ZBED3: variants seen among roughly 807,000 people sequenced by gnomAD.
The protein encoded by ZBED3 is zinc finger BED-type containing 3.
For missense variants in ZBED3, 388 were observed against 362.9 expected, an observed-to-expected ratio of 1.07 and a Z score of -0.56; for synonymous variants, 175 against 180.0, an observed-to-expected ratio of 0.97 and a Z score of 0.22.
intron 1 of ZBED3, among the ~76,000 whole-genome samples, chr5:77,081,017 C>T (rs1405813621): frequency 1.3e-5 from 2 of 152,050 alleles, no homozygotes; most frequent in East Asian, 1.9e-4. Context: ...CAGCCACAAC[C>T]GTAACACACA....
At chr5:77,082,884 C>T (rs1443324445) in intron 1 of ZBED3, among the ~76,000 whole-genome samples, 1 of 152,042 alleles carries the variant, frequency 6.6e-6, no homozygotes, top group Non-Finnish European at 1.5e-5. Flanking sequence ...ACCTGTAATC[C>T]CAGCCCTTTG....
Position 77,075,983 on chromosome 5 carries a change from A to ATATG in ZBED3, c.*1190_*1191insCATA, listed in dbSNP as rs1247645001. 1.0e-4 allele frequency: 4 copies of ATATG among 39,256 alleles called. 2 individuals are homozygous for ATATG. Among genetic ancestry groups the ATATG allele is most frequent in the Non-Finnish European group, 2.0e-4 (4 of 19,564 alleles). The allele number at this position is 39,256 out of a possible 1,614,324, so 2.4% of individuals were successfully genotyped here. A position where few individuals can be genotyped will look rare whatever the true frequency, so the allele number is the denominator to read the frequency against. Reference sequence around the variant, plus strand: ...TATATATATGTATATGTATATATGTATATATATATGTATATATGTATATAT... The same window carrying ATATG: ...TATATATATGTATATGTATATATGTATATGTATATATATGTATATATGTATATAT... On this transcript the variant is annotated 3_prime_UTR_variant, in exon 3 of 3. Coordinates refer to ENST00000255198, the MANE Select transcript of ZBED3 (RefSeq NM_032367.4).
rs1743023307 is a variant in ZBED3, at chr5:77,077,145, T to C, written c.*29A>G. 4.4e-6 allele frequency: 6 copies of C among 1,374,858 alleles called. No homozygotes were observed. Among genetic ancestry groups the C allele is most frequent in the Non-Finnish European group, 4.7e-6 (5 of 1,064,232 alleles). 85.2% of individuals were successfully genotyped at this position (1,374,858 alleles called of 1,614,324 possible). ...GCATTGGCATTGGACGGAGAAGCGC[T>C]GTCCTGGGGTGGGGAAGTGGCCACA... On this transcript the variant is annotated 3_prime_UTR_variant, in exon 3 of 3. Coordinates refer to ENST00000255198, the MANE Select transcript of ZBED3 (RefSeq NM_032367.4).
At chr5:77,086,797 A>C (rs1743251089) in intron 1 of ZBED3, 1 of 152,318 alleles carries the variant, frequency 6.6e-6, no homozygotes. Flanking sequence ...GTAATCAGAC[A>C]ACTTTAATAA....
chr5:77,086,249 GA>G (rs1743236310), intron 1 of ZBED3, among the ~76,000 whole-genome samples: 1 of 152,060 alleles, frequency 6.6e-6, no homozygotes, highest in African/African-American at 2.4e-5. Context: ...GTGACTCAAA[GA>G]TTTTTTTAAT....
Position 77,075,970 on chromosome 5 carries a change from T to TACAC in ZBED3, c.*1203_*1204insGTGT, listed in dbSNP as rs1742977517. On this transcript the variant is annotated 3_prime_UTR_variant, in exon 3 of 3. Transcript: ENST00000255198. ...ATATATATATATATATATATATGTA[T>TACAC]ATGTATATATGTATATATATATGTA... The TACAC allele has an allele frequency of 5.0e-5, 1 of 20,118 alleles. No homozygotes were observed. The highest frequency in any genetic ancestry group is 9.4e-5 in the Non-Finnish European group (1 of 10,654). 1.2% of individuals were successfully genotyped at this position (20,118 alleles called of 1,614,324 possible). A position where few individuals can be genotyped will look rare whatever the true frequency, so the allele number is the denominator to read the frequency against.
chr5:77,080,539 G>A (rs373323604), intron 1 of ZBED3: 8 of 519,002 alleles, frequency 1.5e-5, no homozygotes, highest in Non-Finnish European at 2.7e-5. Flanking sequence ...AAGGCAGCAC[G>A]GGGCAAAACT....
chr5:77,077,275 G>C lies in ZBED3; in HGVS notation c.604C>G (p.Arg202Gly). Residue 202 changes from arginine to glycine, a missense_variant, in exon 3 of 3, where the codon CGT (arginine) becomes GGT (glycine). By Grantham distance (125) the Arg-to-Gly change is moderately radical. Coordinates refer to ENST00000255198, the MANE Select transcript of ZBED3 (RefSeq NM_032367.4). ...GGGGCCCAGCCCAGGGCGCCCTCAC[G>C]GCGGCTCACATCCCGCAGCCGCGCC... The part of the protein sequence containing the change: ...LQARLRDVSR[R>G]EGALGWAPAA... The C allele has an allele frequency of 6.4e-6, 9 of 1,417,094 alleles. No homozygotes were observed. Among genetic ancestry groups the C allele is most frequent in the Non-Finnish European group, 8.3e-6 (9 of 1,087,012 alleles). The allele number at this position is 1,417,094 out of a possible 1,614,324, so 87.8% of individuals were successfully genotyped here. A position where few individuals can be genotyped will look rare whatever the true frequency, so the allele number is the denominator to read the frequency against.
intron 1 of ZBED3, among the ~76,000 whole-genome samples, chr5:77,083,943 T>C (rs1452621827): frequency 6.6e-6 from 1 of 152,202 alleles, no homozygotes; most frequent in Non-Finnish European, 1.5e-5. Context: ...TGAGAATGCA[T>C]ATCATTAATT....
rs1742937546 is a variant in ZBED3 at position 77,074,494 on chromosome 5, T to G, written c.*2680A>C. ...TCTTAGCCACTGTATGACTTGAAGG[T>G]GATACTAACTCCCCTGAACCTGTCT... is the stretch of plus-strand genomic sequence containing the variant. On this transcript the variant is annotated 3_prime_UTR_variant, in exon 3 of 3. Transcript: ENST00000255198. 1 of 152,144 alleles carries G rather than the reference T, an allele frequency of 6.6e-6. No homozygotes were observed. Among genetic ancestry groups the G allele is most frequent in the Admixed American group, 6.5e-5 (1 of 15,276 alleles). 9.4% of individuals were successfully genotyped at this position (152,144 alleles called of 1,614,324 possible).
chr5:77,076,033 G>A lies in ZBED3; in HGVS notation c.*1141C>T, dbSNP rs11744589. 44 of 61,476 alleles carry A rather than the reference G, an allele frequency of 7.2e-4. 9 individuals carry two copies. The East Asian group carries it at 0.011, about 15-fold the overall frequency. 3.8% of individuals were successfully genotyped at this position (61,476 alleles called of 1,614,324 possible). A position where few individuals can be genotyped will look rare whatever the true frequency, so the allele number is the denominator to read the frequency against. ...TATATGTATATATGTATATATATAT[G>A]TATATATGTATATATATATATAATA... On this transcript the variant is annotated 3_prime_UTR_variant, in exon 3 of 3. Transcript: ENST00000255198.
At chr5:77,085,621 A>G (rs984410016) in intron 1 of ZBED3, among the ~76,000 whole-genome samples, 1 of 152,258 alleles carries the variant, frequency 6.6e-6, no homozygotes, top group South Asian at 2.1e-4. Context: ...TTCATCCACC[A>G]GTGACTTTAA....
chr5:77,077,550 G>T lies in ZBED3; in HGVS notation c.329C>A (p.Pro110Gln). Residue 110 changes from proline to glutamine, a missense_variant, in exon 3 of 3, where the codon CCA becomes CAA. Transcript: ENST00000255198. ...CGGCGGCGGGCAGGGCGCGGCAGGT[G>T]GGGAGCTCCCGGCGCCGCTGCTCTC... ...ELESSGAGSS[P>Q]PAAPCPPPPG... The T allele has an allele frequency of 8.0e-7, 1 of 1,246,898 alleles. No individual in the cohort carries two copies. The highest frequency in any genetic ancestry group is 1.0e-6 in the Non-Finnish European group (1 of 998,226). The allele number at this position is 1,246,898 out of a possible 1,614,324, so 77.2% of individuals were successfully genotyped here. A position where few individuals can be genotyped will look rare whatever the true frequency, so the allele number is the denominator to read the frequency against.
intron 1 of ZBED3, among the ~76,000 whole-genome samples, chr5:77,084,849 C>T (rs746138062): frequency 1.3e-5 from 2 of 152,176 alleles, no homozygotes; most frequent in Non-Finnish European, 2.9e-5. Flanking sequence ...AGTTGTATAA[C>T]GAGGCTTCCA....
At chr5:77,080,508 T>C (rs751181751) in intron 1 of ZBED3, 1 of 518,942 alleles carries the variant, frequency 1.9e-6, no homozygotes, top group Non-Finnish European at 3.8e-6. Context: ...GCCCTTCGAT[T>C]TTGGAGGTCT....
chr5:77,079,921 T>C (rs965702321), intron 1 of ZBED3, among the ~76,000 whole-genome samples: 2 of 152,254 alleles, frequency 1.3e-5, no homozygotes, highest in African/African-American at 4.8e-5. Context: ...TATCTAACTT[T>C]ACCTAAAATT....
intron 1 of ZBED3, chr5:77,079,343 AAG>A (rs1743084492): frequency 6.6e-6 from 1 of 152,248 alleles, no homozygotes; most frequent in African/African-American, 2.4e-5. Flanking sequence ...GGAGATGACA[AAG>A]TTCCAGAATC....
In ZBED3 at chr5:77,075,944, CATATATATAT is replaced by C. The variant is rs1159328230; in HGVS notation, c.*1220_*1229del. Reference sequence around the variant, plus strand: ...CCTAGAACTTAAAGTATTATATATACATATATATATATATATATATATGTATATGTATATA... The same window carrying C: ...CCTAGAACTTAAAGTATTATATATACATATATATATATGTATATGTATATA... On this transcript the variant is annotated 3_prime_UTR_variant, in exon 3 of 3. Coordinates refer to ENST00000255198, the MANE Select transcript of ZBED3 (RefSeq NM_032367.4). 1 of 23,442 alleles carries C rather than the reference CATATATATAT, an allele frequency of 4.3e-5. No individual in the cohort carries two copies. The highest frequency in any genetic ancestry group is 8.2e-5 in the Non-Finnish European group (1 of 12,250). 1.5% of individuals were successfully genotyped at this position (23,442 alleles called of 1,614,324 possible). A position where few individuals can be genotyped will look rare whatever the true frequency, so the allele number is the denominator to read the frequency against.
At chr5:77,084,867 A>G (rs1206624292) in intron 1 of ZBED3, among the ~76,000 whole-genome samples, 2 of 152,236 alleles carry the variant, frequency 1.3e-5, no homozygotes, top group Non-Finnish European at 2.9e-5. Context: ...CCAAGCTCCT[A>G]TTTTAAAAGA....
Sources: allele counts gnomAD v4.1 joint callset (sites outside exome capture counted in the v4.1 genomes callset), GRCh38; gene constraint gnomAD v4.1.1; transcripts MANE v1.5; gene names NCBI Gene and HGNC (gene_info 2026-07-23, HGNC 2026-07-21).